Variants in SBF2 observed in about 807,000 individuals in gnomAD.
SBF2 encodes the protein SET binding factor 2.
A neutral mutation model predicts 225.2 loss-of-function variants in SBF2; 112 were observed. That is an observed-to-expected ratio of 0.50 (90% CI 0.43 to 0.58). The LOEUF (loss-of-function observed/expected upper bound fraction) is 0.58, where lower values mean the gene tolerates loss of function less well. Among genes scored for constraint, SBF2 ranks in the 20% least tolerant of loss-of-function variants. SBF2 has a pLI of 0.00. For missense variants in SBF2, 1,996 were observed against 2,206.2 expected (o/e 0.90, Z 1.91); for synonymous variants, 763 against 773.3 (o/e 0.99, Z 0.22).
intron 2 of SBF2, among the ~76,000 whole-genome samples, chr11:10,174,703 T>C (rs1287311220): frequency 2.0e-5 from 3 of 151,700 alleles, no homozygotes; most frequent in Non-Finnish European, 4.4e-5. Flanking sequence ...CCAAGACACA[T>C]AATTGTCAGA....
In SBF2 at chr11:9,937,740, A is replaced by T. The variant is rs189583601; in HGVS notation, c.1860+24217T>A. ...ACCCAAGAAACTAATAAAAAACTGA[A>T]ATTAATAAGAGAATTCGGTAAAATG... On this transcript the variant is annotated intron_variant, in intron 16 of 39. Coordinates refer to ENST00000256190, the MANE Select transcript of SBF2 (RefSeq NM_030962.4). 4.3e-4 allele frequency among the ~76,000 whole-genome samples: 65 copies of T among 152,256 alleles called. 1 individual carries two copies. Among genetic ancestry groups the T allele is most frequent in the Admixed American group, 4.3e-3 (65 of 15,290 alleles).
rs138474738 is a variant in SBF2, at chr11:10,252,457, C to T, written c.55+41558G>A. Among the ~76,000 whole-genome samples the T allele has an allele frequency of 5.9e-4, 90 of 152,344 alleles. 1 individual carries two copies. The East Asian group carries it at 0.017, about 28-fold the overall frequency. On this transcript the variant is annotated intron_variant, in intron 1 of 39. Transcript: ENST00000256190. ...ATAGCTAAATCTTGGCCAATCCCATCGGCCATACTTCAACCATTCATAGAC... is the reference window on the plus strand; with the variant it reads ...ATAGCTAAATCTTGGCCAATCCCATTGGCCATACTTCAACCATTCATAGAC...
At chr11:10,189,149 G>A (rs566976469) in intron 2 of SBF2, among the ~76,000 whole-genome samples, 4 of 152,164 alleles carry the variant, frequency 2.6e-5, no homozygotes, top group African/African-American at 9.6e-5. Flanking sequence ...AACCTCTCTA[G>A]CTGGATAGTA....
At chr11:9,989,877 A>C (rs906296240) in intron 12 of SBF2, among the ~76,000 whole-genome samples, 1 of 152,204 alleles carries the variant, frequency 6.6e-6, no homozygotes, top group Non-Finnish European at 1.5e-5. Context: ...CACAGGCCTC[A>C]GTCAGAGAAA....
intron 1 of SBF2, among the ~76,000 whole-genome samples, chr11:10,239,189 TC>T (rs1004464289): frequency 1.9e-4 from 28 of 150,088 alleles, no homozygotes; most frequent in African/African-American, 6.6e-4. Context: ...AAAATCCTTT[TC>T]AAGCTCATAC....
intron 11 of SBF2, 109 bp from the exon 12 acceptor site, chr11:9,992,652 T>A (rs1264588019): frequency 3.1e-6 from 3 of 980,758 alleles, no homozygotes; most frequent in East Asian, 5.3e-5. Flanking sequence ...CCTTCATGTA[T>A]AAATATATGC....
chr11:9,982,287 C>T lies in SBF2; in HGVS notation c.1395+7210G>A, dbSNP rs578134336. On this transcript the variant is annotated intron_variant, in intron 13 of 39. Coordinates refer to ENST00000256190, the MANE Select transcript of SBF2 (RefSeq NM_030962.4). ...TTCTGTCTGAGGTGGTTCTGGTCTC[C>T]AGTGAGTCTAATCTTTATGTCTTAC... Among the ~76,000 whole-genome samples, 22 of 152,296 alleles carry T rather than the reference C, an allele frequency of 1.4e-4. No individual in the cohort carries two copies. In the South Asian group the frequency reaches 4.4e-3, roughly 30 times the overall value.
At chr11:9,783,905 C>T (rs1395456391) in intron 38 of SBF2, among the ~76,000 whole-genome samples, 1 of 152,056 alleles carries the variant, frequency 6.6e-6, no homozygotes, top group Admixed American at 6.5e-5. Flanking sequence ...AATTAATGCC[C>T]TCTGTTTTGA....
intron 6 of SBF2, among the ~76,000 whole-genome samples, chr11:10,020,063 A>G (rs1948790843): frequency 6.6e-6 from 1 of 152,124 alleles, no homozygotes; most frequent in African/African-American, 2.4e-5. Flanking sequence ...ATGTCAGGCG[A>G]CCATCAGGTG....
At chr11:10,153,771 G>A (rs1023487769) in intron 2 of SBF2, among the ~76,000 whole-genome samples, 5 of 151,964 alleles carry the variant, frequency 3.3e-5, no homozygotes, top group African/African-American at 1.2e-4. Flanking sequence ...ATTGATCAGG[G>A]AAAAAAGAAA....
intron 16 of SBF2, among the ~76,000 whole-genome samples, chr11:9,911,914 G>A (rs142988565): frequency 1.9e-3 from 290 of 152,342 alleles, no homozygotes; most frequent in African/African-American, 6.8e-3. Context: ...CGTGGAATAC[G>A]CTAACCAAGC....
At chr11:10,217,939 G>A (rs1115454) in intron 1 of SBF2, among the ~76,000 whole-genome samples, 80,474 of 151,608 alleles carry the variant, frequency 0.53, 21,721 homozygotes, top group East Asian at 0.68. Context: ...TCGCTCTGTC[G>A]CCCAGGCTGG....
intron 16 of SBF2, among the ~76,000 whole-genome samples, chr11:9,899,902 G>A (rs1564974580): frequency 6.6e-6 from 1 of 152,114 alleles, no homozygotes; most frequent in Non-Finnish European, 1.5e-5. Context: ...GGTGAGGGGA[G>A]GATGAGTGGG....
chr11:10,175,637 G>T (rs1956430558), intron 2 of SBF2, among the ~76,000 whole-genome samples: 1 of 150,634 alleles, frequency 6.6e-6, no homozygotes, highest in African/African-American at 2.4e-5. Context: ...CCCAGGAATG[G>T]AACTCAGCTC....
chr11:10,194,164 C>T (rs1402970602), intron 1 of SBF2, among the ~76,000 whole-genome samples, 177 bp from the exon 2 acceptor site: 1 of 151,960 alleles, frequency 6.6e-6, no homozygotes, highest in African/African-American at 2.4e-5. Context: ...GCAGTAGGAC[C>T]TCCATATCCA....
chr11:10,117,075 G>A (rs1953175311), intron 2 of SBF2, among the ~76,000 whole-genome samples: 1 of 152,118 alleles, frequency 6.6e-6, no homozygotes, highest in Non-Finnish European at 1.5e-5. Flanking sequence ...AATATTTCAA[G>A]CTAGTCAAAA....
intron 28 of SBF2, among the ~76,000 whole-genome samples, chr11:9,827,063 C>T (rs1855113823): frequency 6.6e-6 from 1 of 152,128 alleles, no homozygotes; most frequent in African/African-American, 2.4e-5. Context: ...GTCTGGAATT[C>T]CTGACCTCAG....
At chr11:10,139,011 A>G (rs1170854991) in intron 2 of SBF2, among the ~76,000 whole-genome samples, 2 of 152,218 alleles carry the variant, frequency 1.3e-5, no homozygotes, top group Middle Eastern at 3.2e-3. Context: ...AAATGTGACT[A>G]TGGAAAACCA....
intron 2 of SBF2, among the ~76,000 whole-genome samples, chr11:10,141,045 A>C (rs1954617456): frequency 6.6e-6 from 1 of 152,168 alleles, no homozygotes; most frequent in Non-Finnish European, 1.5e-5. Flanking sequence ...AATGAAAATG[A>C]CTCGGTCCAG....
Sources: allele counts gnomAD v4.1 joint callset (sites outside exome capture counted in the v4.1 genomes callset), GRCh38; gene constraint gnomAD v4.1.1; transcripts MANE v1.5; gene names NCBI Gene and HGNC (gene_info 2026-07-23, HGNC 2026-07-21).